The following ITPR2 variants were observed in gnomAD, a reference collection of about 807,000 sequenced individuals.
ITPR2 encodes the protein inositol 1,4,5-trisphosphate receptor type 2, also known as inositol 1,4,5-trisphosphate-gated calcium channel ITPR2.
ITPR2 carries 207 observed loss-of-function variants against 317.1 expected under a neutral mutation model. The observed-to-expected ratio is 0.65, with a 90% confidence interval of 0.58 to 0.73. The LOEUF (loss-of-function observed/expected upper bound fraction) is 0.73, where lower values mean the gene tolerates loss of function less well. ITPR2 is among the 30% of genes least tolerant of loss of function. The pLI, the probability that ITPR2 is intolerant of heterozygous loss-of-function variation, is 0.00. For synonymous variants in ITPR2, 1,156 were observed against 1,149.1 expected, an observed-to-expected ratio of 1.01 and a Z score of -0.12; for missense variants, 2,613 against 3,284.0, an observed-to-expected ratio of 0.80 and a Z score of 4.99.
chr12:26,711,615 C>T (rs115619488), intron 8 of ITPR2, among the ~76,000 whole-genome samples: 64 of 152,274 alleles, frequency 4.2e-4, no homozygotes, highest in African/African-American at 1.5e-3. Context: ...CCACTATGTG[C>T]CAAGTACCTT....
At chr12:26,493,314 C>T (rs571305262) in intron 39 of ITPR2, among the ~76,000 whole-genome samples, 1 of 152,148 alleles carries the variant, frequency 6.6e-6, no homozygotes. Context: ...CACAATATCC[C>T]AGTTTCAAAT....
At chr12:26,498,926 T>C (rs1303860551) in intron 37 of ITPR2, among the ~76,000 whole-genome samples, 2 of 152,134 alleles carry the variant, frequency 1.3e-5, no homozygotes, top group Non-Finnish European at 2.9e-5. Context: ...AACCTCACAC[T>C]CCTGGCCTCA....
At chr12:26,368,042 T>C (rs1358367856) in intron 55 of ITPR2, among the ~76,000 whole-genome samples, 1 of 152,206 alleles carries the variant, frequency 6.6e-6, no homozygotes, top group East Asian at 1.9e-4. Context: ...TGCAAAGTAG[T>C]TTATTTGACA....
intron 32 of ITPR2, among the ~76,000 whole-genome samples, chr12:26,593,132 C>G (rs1310669448): frequency 6.6e-6 from 1 of 152,210 alleles, no homozygotes; most frequent in Admixed American, 6.5e-5. Flanking sequence ...CTTTTGAAAT[C>G]CCTACTCTTA....
chr12:26,775,902 C>G (rs10842787), intron 2 of ITPR2, among the ~76,000 whole-genome samples: 83,599 of 130,980 alleles, frequency 0.64, 29,190 homozygotes, highest in East Asian at 0.97. Flanking sequence ...GTGATCGTGT[C>G]AGTCAATACC....
intron 28 of ITPR2, among the ~76,000 whole-genome samples, chr12:26,600,328 T>C (rs1317514535): frequency 6.6e-6 from 1 of 152,118 alleles, no homozygotes; most frequent in Non-Finnish European, 1.5e-5. Context: ...TCCTCCTGAT[T>C]CTATTCTGCT....
chr12:26,366,309 T>C (rs929482677), intron 55 of ITPR2, among the ~76,000 whole-genome samples: 8 of 152,188 alleles, frequency 5.3e-5, no homozygotes, highest in Non-Finnish European at 1.0e-4. Flanking sequence ...GCAACTGTTC[T>C]TTTACAAAAC....
At chr12:26,348,743 C>A (rs1441142733) in intron 55 of ITPR2, among the ~76,000 whole-genome samples, 1 of 152,158 alleles carries the variant, frequency 6.6e-6, no homozygotes, top group Non-Finnish European at 1.5e-5. Flanking sequence ...AATCCCAGAA[C>A]TTTGGGAGCC....
rs1565520965 is a variant in ITPR2, at chr12:26,428,041, T to C, written c.6817A>G (p.Ile2273Val). ...AAGAAAAACAGCATAGATGTGCAGATCGCAACTGCTATCCAAAGAAGAACC... is the reference window on the plus strand; with the variant it reads ...AAGAAAAACAGCATAGATGTGCAGACCGCAACTGCTATCCAAAGAAGAACC... Reference protein sequence around the residue: ...FSVLLWIAVAICTSMLFFFSK... With the variant: ...FSVLLWIAVAVCTSMLFFFSK... The change falls in exon 49 of 57, where the codon ATC becomes GTC. Residue 2273 changes from isoleucine to valine, a missense_variant. Physicochemically the swap from Ile to Val is conservative, Grantham distance 29. This residue lies in a region of ITPR2 where 926 missense variants were observed against 1,072.8 expected (regional missense o/e 0.86). Coordinates refer to ENST00000381340, the MANE Select transcript of ITPR2 (RefSeq NM_002223.4). 9.9e-6 allele frequency: 16 copies of C among 1,611,694 alleles called. No individual in the cohort carries two copies. The highest frequency in any genetic ancestry group is 1.2e-5 in the Non-Finnish European group (14 of 1,179,030).
intron 37 of ITPR2, among the ~76,000 whole-genome samples, chr12:26,507,202 T>C (rs1312269244): frequency 2.0e-5 from 3 of 152,126 alleles, no homozygotes; most frequent in Non-Finnish European, 4.4e-5. Flanking sequence ...GAGACAATGA[T>C]TTAGAACTAA....
rs777855580 is a variant in ITPR2 at position 26,414,050 on chromosome 12, T to TACACACACACACACACACACAC, written c.7306+1231_7306+1252dup. ...AGCAGATAGTCTACATGTATATATG[T>TACACACACACACACACACACAC]ACACACACACACACACACACACACA... is the stretch of plus-strand genomic sequence containing the variant. On this transcript the variant is annotated intron_variant, in intron 51 of 56. Coordinates refer to ENST00000381340, the MANE Select transcript of ITPR2 (RefSeq NM_002223.4). 7.3e-4 allele frequency among the ~76,000 whole-genome samples: 101 copies of TACACACACACACACACACACAC among 138,204 alleles called. 1 individual carries two copies. Among genetic ancestry groups the TACACACACACACACACACACAC allele is most frequent in the African/African-American group, 2.7e-3 (95 of 35,752 alleles). 90.7% of individuals were successfully genotyped at this position (138,204 alleles called of 152,430 possible).
intron 1 of ITPR2, among the ~76,000 whole-genome samples, chr12:26,829,894 T>TTTTTG: frequency 6.6e-6 from 1 of 152,112 alleles, no homozygotes; most frequent in East Asian, 1.9e-4. Flanking sequence ...GCAGCATTTC[T>TTTTTG]TTTTGTTTTG....
chr12:26,615,747 C>T (rs1206033492), intron 26 of ITPR2, among the ~76,000 whole-genome samples: 1 of 152,068 alleles, frequency 6.6e-6, no homozygotes, highest in Non-Finnish European at 1.5e-5. Context: ...ATGACATAGT[C>T]TCAAAACACA....
chr12:26,576,109 A>G (rs1945269341), intron 34 of ITPR2, among the ~76,000 whole-genome samples: 1 of 152,192 alleles, frequency 6.6e-6, no homozygotes, highest in Non-Finnish European at 1.5e-5. Context: ...TAACACCATC[A>G]TATTTCTTTG....
At chr12:26,430,167 C>A (rs7309887) in intron 48 of ITPR2, among the ~76,000 whole-genome samples, 50,356 of 152,012 alleles carry the variant, frequency 0.33, 9,556 homozygotes, top group East Asian at 0.63. Flanking sequence ...ACAGCTATTG[C>A]CAATGTTTAT....
intron 55 of ITPR2, among the ~76,000 whole-genome samples, chr12:26,378,801 C>A (rs1317881942): frequency 6.6e-6 from 1 of 152,152 alleles, no homozygotes; most frequent in Non-Finnish European, 1.5e-5. Context: ...AATTGTAATA[C>A]TTCTAATCTT....
At chr12:26,590,155 C>T (rs879355105) in intron 32 of ITPR2, among the ~76,000 whole-genome samples, 3 of 151,988 alleles carry the variant, frequency 2.0e-5, no homozygotes, top group Non-Finnish European at 4.4e-5. Flanking sequence ...AGCAGCCCTC[C>T]CACTCTATAT....
chr12:26,678,935 T>G (rs1417270216), intron 13 of ITPR2, among the ~76,000 whole-genome samples: 1 of 152,218 alleles, frequency 6.6e-6, no homozygotes, highest in Admixed American at 6.5e-5. Flanking sequence ...CTTCAAGGAA[T>G]ATCTTAATGC....
intron 37 of ITPR2, among the ~76,000 whole-genome samples, chr12:26,534,269 A>G (rs191077817): frequency 3.4e-4 from 52 of 152,358 alleles, no homozygotes; most frequent in African/African-American, 1.0e-3. Context: ...CCTGGCAAGA[A>G]TCAGCAAAAT....
Sources: allele counts gnomAD v4.1 joint callset (sites outside exome capture counted in the v4.1 genomes callset), GRCh38; gene constraint gnomAD v4.1.1; regional missense constraint gnomAD v4.1.1; transcripts MANE v1.5; gene names NCBI Gene and HGNC (gene_info 2026-07-23, HGNC 2026-07-21).